The following LATS1 variants were observed in gnomAD, a reference collection of about 807,000 sequenced individuals.
LATS1 encodes serine/threonine-protein kinase LATS1.
A neutral mutation model predicts 106.6 loss-of-function variants in LATS1; 25 were observed. The ratio of observed to expected loss-of-function variants is 0.23; its 90% confidence interval spans 0.17 to 0.33. LATS1 has a LOEUF of 0.33. LATS1 is among the 10% of genes least tolerant of loss of function. The probability of loss-of-function intolerance (pLI) is 1.00; values close to 1 mark genes in which losing one functional copy is unlikely to be tolerated. For synonymous variants in LATS1, 465 were observed against 455.6 expected (o/e 1.02, Z -0.26); for missense variants, 1,040 against 1,382.6 (o/e 0.75, Z 3.93).
chr6:149,703,681 T>C lies in LATS1; in HGVS notation c.-140-1415A>G, dbSNP rs557966603. On this transcript the variant is annotated intron_variant, in intron 1 of 7. Coordinates refer to ENST00000543571, the MANE Select transcript of LATS1 (RefSeq NM_004690.4). ...GAATTTGAGACCAGCCTGGGCAACA[T>C]AGGGAGACCCTGTCTACATTAAAAA... Among the ~76,000 whole-genome samples, 12 of 152,180 alleles carry C rather than the reference T, an allele frequency of 7.9e-5. No homozygotes were observed. In the East Asian group the frequency reaches 1.2e-3, roughly 15 times the overall value.
chr6:149,665,078 G>A (rs1208288513), intron 7 of LATS1, among the ~76,000 whole-genome samples: 1 of 152,182 alleles, frequency 6.6e-6, no homozygotes, highest in Non-Finnish European at 1.5e-5. Flanking sequence ...AAAGCATGGG[G>A]CTGGGTGCAG....
chr6:149,699,353 G>C (rs1035610066), intron 2 of LATS1, among the ~76,000 whole-genome samples: 5 of 152,084 alleles, frequency 3.3e-5, no homozygotes, highest in African/African-American at 1.2e-4. Flanking sequence ...TCACAGTCTG[G>C]GAAGTGAAGA....
In LATS1 at chr6:149,684,030, T is replaced by A; in HGVS notation, c.1059A>T (p.Gln353His). 1 of 1,614,122 alleles carries A rather than the reference T, an allele frequency of 6.2e-7. No individual in the cohort carries two copies. Among genetic ancestry groups the A allele is most frequent in the Non-Finnish European group, 8.5e-7 (1 of 1,180,012 alleles). ...GRPGMQNGTGQTDFMIHQNVV... is the reference protein window; with the variant it reads ...GRPGMQNGTGHTDFMIHQNVV... ...CATTTTGGTGTATCATGAAATCAGT[T>A]TGTCCAGTACCATTCTGCATTCCAG... Residue 353 changes from glutamine to histidine, a missense_variant, in exon 4 of 8, where the codon CAA becomes CAT. Physicochemically the swap from Gln to His is conservative, Grantham distance 24. This residue lies in a region of LATS1 where 624 missense variants were observed against 714.8 expected (regional missense o/e 0.87). Transcript: ENST00000543571.
At position 149,659,554 on chromosome 6, in the gene LATS1, A is replaced by C. The variant is rs1562312660; in HGVS notation, c.*2175T>G. The C allele has an allele frequency of 4.3e-6, 1 of 230,834 alleles. No individual in the cohort carries two copies. The highest frequency in any genetic ancestry group is 8.6e-6 in the Non-Finnish European group (1 of 116,650). The allele number at this position is 230,834 out of a possible 1,614,324, so 14.3% of individuals were successfully genotyped here. ...ATTTTGTGGGAAGGGAAGGGGGAGGAGACAGCACCTTAGTTTTCCTACAAC... is the reference window on the plus strand; with the variant it reads ...ATTTTGTGGGAAGGGAAGGGGGAGGCGACAGCACCTTAGTTTTCCTACAAC... On this transcript the variant is annotated 3_prime_UTR_variant, in exon 8 of 8. Coordinates refer to ENST00000543571, the MANE Select transcript of LATS1 (RefSeq NM_004690.4).
intron 7 of LATS1, among the ~76,000 whole-genome samples, chr6:149,671,981 C>T (rs1427932606): frequency 6.6e-6 from 1 of 151,730 alleles, no homozygotes; most frequent in Non-Finnish European, 1.5e-5. Context: ...CTCCTCCTCC[C>T]AGATTCAAGC....
chr6:149,707,032 T>TG (rs1783818025), intron 1 of LATS1, among the ~76,000 whole-genome samples: 2 of 146,870 alleles, frequency 1.4e-5, no homozygotes, highest in Non-Finnish European at 3.0e-5. Context: ...TTTTTTTTTT[T>TG]GAAGATGGAG....
chr6:149,683,582 C>T lies in LATS1; in HGVS notation c.1507G>A (p.Val503Ile), dbSNP rs1002778400. Residue 503 changes from valine to isoleucine, a missense_variant, in exon 4 of 8, where the codon GTA (valine) becomes ATA (isoleucine). This residue lies in a region of LATS1 where 624 missense variants were observed against 714.8 expected (regional missense o/e 0.87). Coordinates refer to ENST00000543571, the MANE Select transcript of LATS1 (RefSeq NM_004690.4). ...GCAGTCTGTAGCTCTGGTTTTAATACACGCATACTTTTCACAGGCTGTTGA... is the reference window on the plus strand; with the variant it reads ...GCAGTCTGTAGCTCTGGTTTTAATATACGCATACTTTTCACAGGCTGTTGA... The part of the protein sequence containing the change: ...PIQQPVKSMR[V>I]LKPELQTALA... The T allele has an allele frequency of 6.2e-7, 1 of 1,614,234 alleles. No homozygotes were observed. The highest frequency in any genetic ancestry group is 1.1e-5 in the South Asian group (1 of 91,084).
intron 1 of LATS1, among the ~76,000 whole-genome samples, chr6:149,710,981 A>C (rs539821801): frequency 1.3e-5 from 2 of 152,328 alleles, no homozygotes; most frequent in South Asian, 4.1e-4. Flanking sequence ...AGGCAGGATT[A>C]AAAGACTGAG....
At chr6:149,670,104 G>A (rs1273075624) in intron 7 of LATS1, among the ~76,000 whole-genome samples, 1 of 147,266 alleles carries the variant, frequency 6.8e-6, no homozygotes, top group Non-Finnish European at 1.5e-5. Flanking sequence ...CCTGGGAGGT[G>A]GAGGTTGCAG....
chr6:149,672,527 C>T lies in LATS1; in HGVS notation c.2883+3733G>A, dbSNP rs537778230. Among the ~76,000 whole-genome samples the T allele has an allele frequency of 3.9e-4, 59 of 151,922 alleles. No individual in the cohort carries two copies. The South Asian group carries it at 0.012, about 31-fold the overall frequency. On this transcript the variant is annotated intron_variant, in intron 7 of 7. Coordinates refer to ENST00000543571, the MANE Select transcript of LATS1 (RefSeq NM_004690.4). Reference sequence around the variant, plus strand: ...CCCAGCCTATGATTTCTTTCAGTAGCAATTTGCATACAAATCTTGCTCATG... The same window carrying T: ...CCCAGCCTATGATTTCTTTCAGTAGTAATTTGCATACAAATCTTGCTCATG...
intron 1 of LATS1, among the ~76,000 whole-genome samples, chr6:149,716,608 C>T (rs1784407495): frequency 6.6e-6 from 1 of 152,114 alleles, no homozygotes; most frequent in Admixed American, 6.6e-5. Flanking sequence ...ACGACCTACA[C>T]AATGAAAGCC....
rs200080860 is a variant in LATS1, at chr6:149,676,633, G to A, written c.2698C>T (p.Arg900Cys). The change falls in exon 6 of 8, where the codon CGC becomes TGC. Residue 900 changes from arginine (R) to cysteine (C), a missense_variant. Around this residue, in one of 7 missense-constraint regions of LATS1, gnomAD observed 63 missense variants for 64.3 expected, o/e 0.98. Coordinates refer to ENST00000543571, the MANE Select transcript of LATS1 (RefSeq NM_004690.4). ...TGTGCTAGACATCGCTGGTGCTGGC[G>A]TGCAGCTCTCCGCTCTAATGGCTTC... ...RLKPLERRAARQHQRCLAHSL... is the reference protein window; with the variant it reads ...RLKPLERRAACQHQRCLAHSL... 17 of 1,614,068 alleles carry A rather than the reference G, an allele frequency of 1.1e-5. No individual in the cohort carries two copies. The highest frequency in any genetic ancestry group is 4.5e-5 in the East Asian group (2 of 44,876).
intron 1 of LATS1, among the ~76,000 whole-genome samples, chr6:149,713,176 CA>C (rs1463433175): frequency 1.3e-5 from 2 of 152,100 alleles, no homozygotes; most frequent in African/African-American, 4.8e-5. Context: ...GAGTTCCTTC[CA>C]AATAAATCAA....
At chr6:149,691,182 G>A (rs139360025) in intron 3 of LATS1, among the ~76,000 whole-genome samples, 26 of 152,230 alleles carry the variant, frequency 1.7e-4, no homozygotes, top group Non-Finnish European at 3.4e-4. Flanking sequence ...GGTCATTAGG[G>A]TGGGTCCTAA....
chr6:149,682,825 T>G (rs1189492223), intron 4 of LATS1: 1 of 488,472 alleles, frequency 2.0e-6, no homozygotes, highest in Admixed American at 3.9e-5. Flanking sequence ...ACACCTAAAC[T>G]GTATACCGCA....
chr6:149,678,292 C>A (rs113956454), intron 5 of LATS1, among the ~76,000 whole-genome samples: 1 of 151,690 alleles, frequency 6.6e-6, no homozygotes, highest in African/African-American at 2.4e-5. Flanking sequence ...AGCAGTGAGC[C>A]GAGATTGCGC....
intron 1 of LATS1, among the ~76,000 whole-genome samples, chr6:149,713,998 T>G (rs1289148041): frequency 6.6e-6 from 1 of 151,690 alleles, no homozygotes; most frequent in Non-Finnish European, 1.5e-5. Flanking sequence ...TTTTTTTTTT[T>G]GTGAGACTGT....
chr6:149,684,212 G>C lies in LATS1; in HGVS notation c.877C>G (p.Pro293Ala), dbSNP rs914729476. 1 of 1,614,212 alleles carries C rather than the reference G, an allele frequency of 6.2e-7. No homozygotes were observed. The stretch of plus-strand genomic sequence containing the variant: ...GGATAGCCCTCTTGCCATGCCCCAG[G>C]TGGGACAGGAGAGATTCGGGAGATT... ...YVISRISPVP[P>A]GAWQEGYPPP... The change falls in exon 4 of 8, where the codon CCT becomes GCT. Residue 293 changes from proline (P) to alanine (A), a missense_variant. Coordinates refer to ENST00000543571, the MANE Select transcript of LATS1 (RefSeq NM_004690.4).
intron 4 of LATS1, among the ~76,000 whole-genome samples, chr6:149,682,322 T>C (rs1019291967): frequency 1.3e-5 from 2 of 152,082 alleles, no homozygotes; most frequent in Admixed American, 6.6e-5. Context: ...TTTAATAAGA[T>C]ATATGTGATG....
Sources: allele counts gnomAD v4.1 joint callset (sites outside exome capture counted in the v4.1 genomes callset), GRCh38; gene constraint gnomAD v4.1.1; regional missense constraint gnomAD v4.1.1; transcripts MANE v1.5; gene names NCBI Gene and HGNC (gene_info 2026-07-23, HGNC 2026-07-21).